Variants in IL4R observed in about 807,000 individuals in gnomAD.
The protein encoded by IL4R is interleukin-4 receptor subunit alpha.
In IL4R, 17 loss-of-function variants were observed where a neutral mutation model predicts 41.5. The observed-to-expected ratio is 0.41, with a 90% CI of 0.28 to 0.61. The LOEUF is 0.61. Ranked by LOEUF, IL4R falls within the 20% of genes least tolerant of loss-of-function variation. IL4R has a pLI of 0.31. For synonymous variants in IL4R, 402 were observed against 422.9 expected (o/e 0.95, Z 0.61); for missense variants, 974 against 1,043.1 (o/e 0.93, Z 0.91).
In IL4R at chr16:27,359,923, G is replaced by C. The variant is rs143278810; in HGVS notation, c.850-843G>C. ...TTTGGGGCTGGGCTCAGCAGTGAGG[G>C]TGGCGGGGGAGGCTGGGCTGGGCTG... On this transcript the variant is annotated intron_variant, in intron 9 of 10. Coordinates refer to ENST00000395762, the MANE Select transcript of IL4R (RefSeq NM_000418.4). 1,285 of 421,474 alleles carry C rather than the reference G, an allele frequency of 3.0e-3. 7 individuals are homozygous for C. Among genetic ancestry groups the C allele is most frequent in the Non-Finnish European group, 3.9e-3 (800 of 203,044 alleles). 26.1% of individuals were successfully genotyped at this position (421,474 alleles called of 1,614,324 possible).
At chr16:27,325,993 A>G (rs898437210) in intron 1 of IL4R, among the ~76,000 whole-genome samples, 1 of 152,102 alleles carries the variant, frequency 6.6e-6, no homozygotes, top group Non-Finnish European at 1.5e-5. Context: ...CCCGCCCCAC[A>G]GCATCCATCC....
chr16:27,323,287 A>G (rs1368186706), intron 1 of IL4R, among the ~76,000 whole-genome samples: 9 of 152,220 alleles, frequency 5.9e-5, no homozygotes, highest in Non-Finnish European at 1.0e-4. Flanking sequence ...CTACCTGGTT[A>G]CTTCCTGCTC....
At chr16:27,354,692 G>C (rs1215898904) in intron 7 of IL4R, among the ~76,000 whole-genome samples, 2 of 152,232 alleles carry the variant, frequency 1.3e-5, no homozygotes, top group Non-Finnish European at 2.9e-5. Context: ...TATAATGGGA[G>C]GAGTAAGGGC....
chr16:27,354,107 G>C (rs1224676513), intron 7 of IL4R: 7 of 152,230 alleles, frequency 4.6e-5, no homozygotes, highest in African/African-American at 9.7e-5. Flanking sequence ...CCACAAAGGA[G>C]GCTGGGAACT....
At chr16:27,357,638 A>G (rs1030481184) in intron 8 of IL4R, among the ~76,000 whole-genome samples, 5 of 151,210 alleles carry the variant, frequency 3.3e-5, no homozygotes, top group Non-Finnish European at 1.5e-5. Context: ...TAATTTTTGT[A>G]TTTTTAGTAG....
chr16:27,329,780 C>T (rs1331046195), intron 1 of IL4R, among the ~76,000 whole-genome samples: 1 of 151,964 alleles, frequency 6.6e-6, no homozygotes, highest in African/African-American at 2.4e-5. Flanking sequence ...CATGTAACCT[C>T]ATTAATCTGA....
chr16:27,342,382 T>C (rs2141134417), intron 4 of IL4R, 123 bp downstream of exon 4: 2 of 1,232,030 alleles, frequency 1.6e-6, no homozygotes, highest in South Asian at 1.4e-5. Flanking sequence ...CTGCTGTTTA[T>C]ATGGTGTTAG....
At chr16:27,343,307 C>G (rs773649369) in intron 4 of IL4R, among the ~76,000 whole-genome samples, 2 of 152,176 alleles carry the variant, frequency 1.3e-5, no homozygotes, top group Admixed American at 1.3e-4. Context: ...AACTATGGCC[C>G]GTGAGCCAAA....
At chr16:27,332,721 A>G (rs958444389) in intron 2 of IL4R, among the ~76,000 whole-genome samples, 1 of 150,756 alleles carries the variant, frequency 6.6e-6, no homozygotes, top group Non-Finnish European at 1.5e-5. Flanking sequence ...TGTTTTAGAC[A>G]TATATTGCTT....
rs2086271463 is a variant in IL4R, at chr16:27,361,198, G to C, written c.899+383G>C. On this transcript the variant is annotated intron_variant, in intron 10 of 10. Coordinates refer to ENST00000395762, the MANE Select transcript of IL4R (RefSeq NM_000418.4). ...CTGTGGCCCAGGCTGGTGTGCAGTGGTGCGATCATAGCTCACTGCACCTTC... is the reference window on the plus strand; with the variant it reads ...CTGTGGCCCAGGCTGGTGTGCAGTGCTGCGATCATAGCTCACTGCACCTTC... Among the ~76,000 whole-genome samples the C allele has an allele frequency of 2.6e-5, 4 of 152,016 alleles. No individual in the cohort carries two copies. The South Asian group carries it at 8.3e-4, about 32-fold the overall frequency.
intron 3 of IL4R, among the ~76,000 whole-genome samples, chr16:27,341,659 C>T (rs1339526947): frequency 6.6e-6 from 1 of 152,130 alleles, no homozygotes; most frequent in Non-Finnish European, 1.5e-5. Context: ...GCCAAGGGTA[C>T]CCGGTGATGA....
At chr16:27,344,120 C>G (rs994794272) in intron 4 of IL4R, among the ~76,000 whole-genome samples, 10 of 151,938 alleles carry the variant, frequency 6.6e-5, no homozygotes, top group African/African-American at 2.2e-4. Flanking sequence ...GCCTGGCCAA[C>G]ATGGTGAAGC....
In IL4R at chr16:27,363,697, C is replaced by T; in HGVS notation, c.2345C>T (p.Pro782Leu). ...AGTCTGTGTCCGGCCTCCCTGGCAC[C>T]CTCGGGCATCTCAGAGAAGAGTAAA... is the stretch of plus-strand genomic sequence containing the variant. ...EASLCPASLA[P>L]SGISEKSKSS... Residue 782 changes from proline (P) to leucine (L), a missense_variant, in exon 11 of 11, where the codon CCC becomes CTC. Transcript: ENST00000395762. 6.2e-7 allele frequency: 1 copy of T among 1,613,962 alleles called. No homozygotes were observed. Among genetic ancestry groups the T allele is most frequent in the Middle Eastern group, 1.6e-4 (1 of 6,062 alleles).
intron 1 of IL4R, among the ~76,000 whole-genome samples, chr16:27,328,836 G>A (rs1391240522): frequency 6.6e-6 from 1 of 152,122 alleles, no homozygotes; most frequent in East Asian, 1.9e-4. Flanking sequence ...AACCATTTAT[G>A]TTCTTTGCCT....
chr16:27,360,729 C>T, intron 9 of IL4R, 37 bp from the exon 10 acceptor site: 1 of 1,613,886 alleles, frequency 6.2e-7, no homozygotes, highest in Non-Finnish European at 8.5e-7. Context: ...GGCTGCAAGG[C>T]CACTCTGCTC....
chr16:27,323,213 G>T (rs2084863550), intron 1 of IL4R, among the ~76,000 whole-genome samples: 1 of 152,226 alleles, frequency 6.6e-6, no homozygotes, highest in Non-Finnish European at 1.5e-5. Flanking sequence ...CCTGGTCATT[G>T]TTGAGACAAG....
chr16:27,352,701 G>A lies in IL4R; in HGVS notation c.670+5G>A. 6.2e-7 allele frequency: 1 copy of A among 1,613,882 alleles called. No homozygotes were observed. Among genetic ancestry groups the A allele is most frequent in the Non-Finnish European group, 8.5e-7 (1 of 1,179,792 alleles). ...CCAGCACCAAGTGGCACAACTGTGA[G>A]TATCAAGAGGCCTAAGCAATGGTAA... On this transcript the variant is annotated splice_donor_5th_base_variant and intron_variant, in intron 7 of 10. Coordinates refer to ENST00000395762, the MANE Select transcript of IL4R (RefSeq NM_000418.4).
intron 2 of IL4R, among the ~76,000 whole-genome samples, chr16:27,336,414 C>T (rs1025618966): frequency 2.0e-5 from 3 of 151,920 alleles, no homozygotes; most frequent in African/African-American, 7.2e-5. Context: ...CAGTGGCTCA[C>T]GCCTGTAATC....
At chr16:27,341,472 C>T (rs1474849945) in intron 3 of IL4R, among the ~76,000 whole-genome samples, 5 of 152,120 alleles carry the variant, frequency 3.3e-5, no homozygotes, top group Non-Finnish European at 5.9e-5. Context: ...AGCATGGAGG[C>T]GCCTGAGTGG....
Sources: allele counts gnomAD v4.1 joint callset (sites outside exome capture counted in the v4.1 genomes callset), GRCh38; gene constraint gnomAD v4.1.1; transcripts MANE v1.5; gene names NCBI Gene and HGNC (gene_info 2026-07-23, HGNC 2026-07-21).